The following GIGYF1 variants were observed in gnomAD, a reference collection of about 807,000 sequenced individuals.
GIGYF1 encodes GRB10 interacting GYF protein 1, also known as GRB10-interacting GYF protein 1.
GIGYF1 carries 84 observed loss-of-function variants against 147.1 expected under a neutral mutation model. That is an observed-to-expected ratio of 0.57 (90% CI 0.48 to 0.68). The LOEUF (loss-of-function observed/expected upper bound fraction) is 0.68, where lower values mean the gene tolerates loss of function less well. Among genes scored for constraint, GIGYF1 ranks in the 30% least tolerant of loss-of-function variants. The pLI, the probability that GIGYF1 is intolerant of heterozygous loss-of-function variation, is 0.00. For synonymous variants in GIGYF1, 752 were observed against 589.5 expected (o/e 1.28, Z -3.99); for missense variants, 1,485 against 1,393.7 (o/e 1.07, Z -1.04).
rs1408581604 is a variant in GIGYF1 at position 100,680,055 on chromosome 7, T to C, written c.*1664A>G. ...ACCCCTTATTGCTTTAGAGAGAATA[T>C]TGTCTTTTCAGGGACGCTAACACTG... On this transcript the variant is annotated 3_prime_UTR_variant, in exon 27 of 27. Coordinates refer to ENST00000678049, the MANE Select transcript of GIGYF1 (RefSeq NM_001375765.1). The C allele has an allele frequency of 6.6e-6, 1 of 151,658 alleles. No individual in the cohort carries two copies. The highest frequency in any genetic ancestry group is 2.4e-5 in the African/African-American group (1 of 41,036). 9.4% of individuals were successfully genotyped at this position (151,658 alleles called of 1,614,324 possible).
In GIGYF1 at chr7:100,686,386, G is replaced by A. The variant is rs377017091; in HGVS notation, c.742C>T (p.Arg248Cys). The change falls in exon 11 of 27, where the codon CGC (arginine) becomes TGC (cysteine). Residue 248 changes from arginine (R) to cysteine (C), a missense_variant. Transcript: ENST00000678049. ...AGWREHGERRRKFEFDLRGDR... is the reference protein window; with the variant it reads ...AGWREHGERRCKFEFDLRGDR... Reference sequence around the variant, plus strand: ...CCTCGCAAATCAAATTCAAACTTGCGCCGCCGTTCCCCATGTTCCCGCCAG... The same window carrying A: ...CCTCGCAAATCAAATTCAAACTTGCACCGCCGTTCCCCATGTTCCCGCCAG... The A allele has an allele frequency of 2.2e-5, 35 of 1,607,872 alleles. No homozygotes were observed. Among genetic ancestry groups the A allele is most frequent in the East Asian group, 4.5e-5 (2 of 44,740 alleles).
intron 9 of GIGYF1, 23 bp downstream of exon 9, chr7:100,686,983 C>A: frequency 6.2e-7 from 1 of 1,613,602 alleles, no homozygotes; most frequent in South Asian, 1.1e-5. Flanking sequence ...CCGCCCCGGC[C>A]GCCGCCCTCA....
chr7:100,683,261 C>A (rs376344485), intron 21 of GIGYF1, 31 bp from the exon 22 acceptor site: 1 of 1,613,226 alleles, frequency 6.2e-7, no homozygotes. Flanking sequence ...GGGGACCTGG[C>A]GAGGGTTGTC....
chr7:100,685,838 C>T, intron 12 of GIGYF1, 136 bp downstream of exon 12: 1 of 699,384 alleles, frequency 1.4e-6, no homozygotes, highest in South Asian at 1.8e-5. Flanking sequence ...TGGTTCCTCC[C>T]CACCTCTCAG....
rs1177120265 is a variant in GIGYF1 at position 100,681,991 on chromosome 7, C to T, written c.2928G>A (p.Glu976=). Residue 976 remains glutamate, a splice_region_variant and synonymous_variant, in exon 26 of 27, where the codon GAG becomes GAA. Transcript: ENST00000678049. The part of the protein sequence containing the change: ...KASQQRQQQQ[E]AWLSSASLQT... The stretch of plus-strand genomic sequence containing the variant: ...GCAGCGAGGCGCTGCTCAGCCATGC[C>T]TCCTAAGGCAGCGGAGAGGAGGGTG... 2.5e-6 allele frequency: 4 copies of T among 1,609,338 alleles called. No individual in the cohort carries two copies. The highest frequency in any genetic ancestry group is 2.5e-6 in the Non-Finnish European group (3 of 1,179,908).
Position 100,685,465 on chromosome 7 carries a change from G to A in GIGYF1, c.1071C>T (p.Thr357=), listed in dbSNP as rs762711026. ...EGPEAGGKEL[T]PLPPQEEKSS... is the part of the protein sequence containing the mutation. ...ACTTCTCCTCCTGAGGAGGCAGTGG[G>A]GTCAGCTCTTTCCCACCTAGAAGAG... The change falls in exon 13 of 27, where the codon ACC becomes ACT. Residue 357 remains threonine (T), a synonymous_variant. Coordinates refer to ENST00000678049, the MANE Select transcript of GIGYF1 (RefSeq NM_001375765.1). The A allele has an allele frequency of 6.3e-7, 1 of 1,599,440 alleles. No homozygotes were observed. The highest frequency in any genetic ancestry group is 8.5e-7 in the Non-Finnish European group (1 of 1,176,616).
chr7:100,681,729 TC>T lies in GIGYF1; in HGVS notation c.3097del (p.Asp1033MetfsTer14), dbSNP rs1158401392. The part of the protein sequence containing the change: ...HGSSGEIESV[D>X]DY ...GGGGGTCCGGGCTGGTCAGTAGTCATCCACGCTCTCGATCTCACCAGAAGAT... is the reference window on the plus strand; with the variant it reads ...GGGGGTCCGGGCTGGTCAGTAGTCATCACGCTCTCGATCTCACCAGAAGAT... On this transcript the variant is annotated frameshift_variant, in exon 27 of 27. Transcript: ENST00000678049. LOFTEE classifies it high-confidence loss of function. The T allele has an allele frequency of 2.5e-6, 4 of 1,572,124 alleles. No individual in the cohort carries two copies. The African/African-American group carries it at 5.4e-5, about 21-fold the overall frequency.
At chr7:100,688,169 G>C in intron 4 of GIGYF1, 35 bp downstream of exon 4, 8 of 1,609,616 alleles carry the variant, frequency 5.0e-6, no homozygotes, top group South Asian at 1.1e-5. Flanking sequence ...GTGCTTTCTC[G>C]AATCTCCACG....
In GIGYF1 at chr7:100,694,221, C is replaced by G. The variant is rs1252120868; in HGVS notation, c.-1210G>C. On this transcript the variant is annotated 5_prime_UTR_variant, in exon 1 of 27. Transcript: ENST00000678049. The stretch of plus-strand genomic sequence containing the variant: ...GGAGGGGGCGCTGGCGCTCCCGCGG[C>G]GGCCGCTCCTCTGTGTTTGTGTTTG... Among the ~76,000 whole-genome samples, 1 of 146,124 alleles carries G rather than the reference C, an allele frequency of 6.8e-6. No homozygotes were observed. Among genetic ancestry groups the G allele is most frequent in the Admixed American group, 6.8e-5 (1 of 14,724 alleles).
intron 1 of GIGYF1, among the ~76,000 whole-genome samples, chr7:100,693,252 G>A (rs1208713662): frequency 2.0e-5 from 3 of 151,912 alleles, no homozygotes; most frequent in Non-Finnish European, 2.9e-5. Context: ...GTATAACAGA[G>A]AAGAGAGACG....
chr7:100,682,750 G>A lies in GIGYF1; in HGVS notation c.2440C>T (p.Leu814=), dbSNP rs1205492312. The A allele has an allele frequency of 2.6e-6, 4 of 1,539,496 alleles. No individual in the cohort carries two copies. The highest frequency in any genetic ancestry group is 1.4e-5 in the African/African-American group (1 of 72,542). Residue 814 remains leucine (L), a synonymous_variant, in exon 23 of 27, where the codon CTG becomes TTG. Transcript: ENST00000678049. The part of the protein sequence containing the change: ...VQLGGLGTAP[L]NQWVSEAGPL... ...CCAGCCTCAGACACCCACTGGTTCAGGGGGGCAGTGCCCAGGCCCCCAAGC... is the reference window on the plus strand; with the variant it reads ...CCAGCCTCAGACACCCACTGGTTCAAGGGGGCAGTGCCCAGGCCCCCAAGC...
Position 100,681,910 on chromosome 7 carries a change from C to T in GIGYF1, c.3009G>A (p.Lys1003=), listed in dbSNP as rs1431278338. 2.5e-6 allele frequency: 4 copies of T among 1,611,442 alleles called. No homozygotes were observed. The African/African-American group carries it at 4.0e-5, about 16-fold the overall frequency. Residue 1003 remains lysine (K), a synonymous_variant, in exon 26 of 27, where the codon AAG becomes AAA. Transcript: ENST00000678049. The stretch of plus-strand genomic sequence containing the variant: ...GCAGCATCAGTGCCCGCCTCTTGGC[C>T]TTGCTGCCCTCCCCGGGGCCGAGTT... The part of the protein sequence containing the change: ...STKLGPGEGS[K]AKRRALMLHS...
chr7:100,684,870 G>A lies in GIGYF1; in HGVS notation c.1315C>T (p.Leu439=). The change falls in exon 15 of 27, where the codon CTG becomes TTG. Residue 439 remains leucine (L), a synonymous_variant. Transcript: ENST00000678049. ...QQEAEKLVAS[L]QDSSLEEEQF... is the part of the protein sequence containing the mutation. ...TCCTCCTCCAAGGAGCTGTCCTGCA[G>A]GGAGGCCACCAGCTTCTCCGCCTCC... is the stretch of plus-strand genomic sequence containing the variant. 6.2e-7 allele frequency: 1 copy of A among 1,605,130 alleles called. No individual in the cohort carries two copies. Among genetic ancestry groups the A allele is most frequent in the Non-Finnish European group, 8.5e-7 (1 of 1,175,094 alleles).
Position 100,683,735 on chromosome 7 carries a change from GGC to G in GIGYF1, c.1969+81_1969+82del. On this transcript the variant is annotated intron_variant, in intron 19 of 26. Transcript: ENST00000678049. ...CTCCCCAGCCAGAATGGCAGCTAGG[GGC>G]GTGTGGGGGTGGGGAGCAGACCCCA... 32 of 1,546,538 alleles carry G rather than the reference GGC, an allele frequency of 2.1e-5. No homozygotes were observed. The South Asian group carries it at 3.2e-4, about 16-fold the overall frequency.
At chr7:100,686,887 TGG>T (rs35436931) in intron 9 of GIGYF1, 68 bp from the exon 10 acceptor site, 16 of 1,599,206 alleles carry the variant, frequency 1.0e-5, no homozygotes, top group Non-Finnish European at 1.4e-5. Context: ...CAAGAAACGT[TGG>T]GGGGGCCAGC....
intron 14 of GIGYF1, 27 bp from the exon 15 acceptor site, chr7:100,684,921 C>T (rs1293499102): frequency 5.0e-6 from 8 of 1,604,390 alleles, no homozygotes; most frequent in South Asian, 1.1e-5. Flanking sequence ...AGAAGAAAGG[C>T]TCAGCTGCCA....
At position 100,680,901 on chromosome 7, in the gene GIGYF1, T is replaced by A. The variant is rs1804686926; in HGVS notation, c.*818A>T. 1 of 152,534 alleles carries A rather than the reference T, an allele frequency of 6.6e-6. No homozygotes were observed. The highest frequency in any genetic ancestry group is 2.4e-5 in the African/African-American group (1 of 41,392). The allele number at this position is 152,534 out of a possible 1,614,324, so 9.4% of individuals were successfully genotyped here. On this transcript the variant is annotated 3_prime_UTR_variant, in exon 27 of 27. Transcript: ENST00000678049. ...TTCAAACCCAGGGTGTCCCCCAAAA[T>A]GGCAGCAGTGGGAGACGCCCCTCAC... is the stretch of plus-strand genomic sequence containing the variant.
intron 11 of GIGYF1, 21 bp from the exon 12 acceptor site, chr7:100,686,100 G>GA (rs1172118063): frequency 1.2e-6 from 2 of 1,602,522 alleles, no homozygotes; most frequent in Non-Finnish European, 1.7e-6. Context: ...CCGGGGTGGG[G>GA]AGCAGAGAAC....
rs1471936287 is a variant in GIGYF1 at position 100,681,658 on chromosome 7, C to T, written c.*61G>A. 7 of 1,475,188 alleles carry T rather than the reference C, an allele frequency of 4.7e-6. No homozygotes were observed. The African/African-American group carries it at 8.5e-5, about 18-fold the overall frequency. 91.4% of individuals were successfully genotyped at this position (1,475,188 alleles called of 1,614,324 possible). ...TGCGGGGAGCCTGCAGGCTGGGACC[C>T]TCGGTCCACGCCGCTGTGGCTGCCC... On this transcript the variant is annotated 3_prime_UTR_variant, in exon 27 of 27. Transcript: ENST00000678049.
Sources: gnomAD v4.1 joint callset for allele counts (sites outside exome capture counted in the v4.1 genomes callset) on GRCh38, gnomAD v4.1.1 for gene constraint, MANE v1.5 for transcripts, NCBI Gene and HGNC (gene_info 2026-07-23, HGNC 2026-07-21) for gene names.